CLHC1: variants seen among roughly 807,000 people sequenced by gnomAD.
The protein encoded by CLHC1 is clathrin heavy chain linker domain-containing protein 1.
A neutral mutation model predicts 69.5 loss-of-function variants in CLHC1; 72 were observed. That is an observed-to-expected ratio of 1.04 (90% confidence interval 0.86 to 1.26). The LOEUF is 1.26. Ranked by LOEUF, CLHC1 falls within the 50% of genes most tolerant of loss-of-function variation. The pLI is 0.00. For missense variants in CLHC1, 790 were observed against 679.3 expected (o/e 1.16, Z -1.81); for synonymous variants, 223 against 224.3 (o/e 0.99, Z 0.05).
intron 3 of CLHC1, among the ~76,000 whole-genome samples, chr2:55,221,812 C>T (rs577503385): frequency 1.3e-5 from 2 of 152,110 alleles, no homozygotes; most frequent in East Asian, 3.9e-4. Flanking sequence ...CTTGTCTCTA[C>T]AAAAAATTTT....
intron 2 of CLHC1, chr2:55,225,850 T>G (rs1674640602): frequency 6.6e-6 from 1 of 152,228 alleles, no homozygotes; most frequent in Non-Finnish European, 1.5e-5. Flanking sequence ...CTGCTGTCTT[T>G]GTAAGTACTC....
At chr2:55,200,114 C>G (rs1558478350) in intron 9 of CLHC1, among the ~76,000 whole-genome samples, 1 of 150,448 alleles carries the variant, frequency 6.6e-6, no homozygotes, top group African/African-American at 2.4e-5. Flanking sequence ...ATCCCAGCTA[C>G]TTGACAGGGT....
intron 3 of CLHC1, among the ~76,000 whole-genome samples, chr2:55,221,511 G>C (rs895617997): frequency 6.6e-6 from 1 of 152,128 alleles, no homozygotes; most frequent in Admixed American, 6.6e-5. Flanking sequence ...TCAATTTAAT[G>C]TTAGATCAAA....
intron 4 of CLHC1, among the ~76,000 whole-genome samples, chr2:55,216,291 C>CA (rs552944752): frequency 0.037 from 3,951 of 106,998 alleles, 77 homozygotes; most frequent in South Asian, 0.098. Flanking sequence ...AACTCCGTCT[C>CA]AAAAAAAAAA....
intron 5 of CLHC1, among the ~76,000 whole-genome samples, chr2:55,212,090 A>C (rs1448470213): frequency 1.1e-4 from 16 of 152,122 alleles, no homozygotes; most frequent in Non-Finnish European, 1.5e-5. Context: ...CAGCGTGGAC[A>C]ACATGATGAA....
rs770049202 is a variant in CLHC1 at position 55,180,563 on chromosome 2, C to A, written c.1331G>T (p.Gly444Val). 4 of 1,614,068 alleles carry A rather than the reference C, an allele frequency of 2.5e-6. No individual in the cohort carries two copies. The highest frequency in any genetic ancestry group is 3.4e-6 in the Non-Finnish European group (4 of 1,179,996). The change falls in exon 11 of 13, where the codon GGT becomes GTT. Residue 444 changes from glycine to valine, a missense_variant. Gly to Val is a moderately radical substitution (Grantham distance 109). Coordinates refer to ENST00000401408, the MANE Select transcript of CLHC1 (RefSeq NM_152385.4). ...GTACTCCATGACCCTATGAGTCTGA[C>A]CCTGTTTACACAAGCAAAGAATAGC... ...KKAILCLCKQ[G>V]QTHRVMEYIQ...
chr2:55,222,190 T>C (rs1674191513), intron 3 of CLHC1, 45 bp downstream of exon 3: 1 of 1,354,500 alleles, frequency 7.4e-7, no homozygotes, highest in Admixed American at 1.7e-5. Context: ...CATAGATCAT[T>C]GCTATCCTCA....
chr2:55,197,075 C>T (rs77848134), intron 9 of CLHC1, among the ~76,000 whole-genome samples: 2,321 of 152,226 alleles, frequency 0.015, 60 homozygotes, highest in African/African-American at 0.053. Flanking sequence ...TTCCTGTGGG[C>T]CTGTGGCAGT....
At position 55,175,739 on chromosome 2, in the gene CLHC1, C is replaced by T; in HGVS notation, c.*51G>A. The stretch of plus-strand genomic sequence containing the variant: ...TACGTTAAAATCAGTTTTTCCCAAC[C>T]AGCATACATAAGGTGTTGTACAAGC... On this transcript the variant is annotated 3_prime_UTR_variant, in exon 13 of 13. Coordinates refer to ENST00000401408, the MANE Select transcript of CLHC1 (RefSeq NM_152385.4). 2.3e-6 allele frequency: 3 copies of T among 1,317,804 alleles called. No individual in the cohort carries two copies. Among genetic ancestry groups the T allele is most frequent in the East Asian group, 4.7e-5 (2 of 42,898 alleles). The allele number at this position is 1,317,804 out of a possible 1,614,324, so 81.6% of individuals were successfully genotyped here.
chr2:55,218,249 C>T, intron 3 of CLHC1: 1 of 274,918 alleles, frequency 3.6e-6, no homozygotes. Flanking sequence ...CATTTTTGTT[C>T]TACTTGGTAT....
chr2:55,179,153 A>G (rs962713072), intron 11 of CLHC1, among the ~76,000 whole-genome samples: 26 of 152,132 alleles, frequency 1.7e-4, no homozygotes, highest in African/African-American at 4.8e-4. Context: ...TAATTCTTAC[A>G]TATGGAAAAA....
rs987363528 is a variant in CLHC1 at position 55,174,139 on chromosome 2, A to T, written c.*1651T>A. On this transcript the variant is annotated 3_prime_UTR_variant, in exon 13 of 13. Transcript: ENST00000401408. ...CTTTTCAACAGCCTGTATGAAGGCC[A>T]AAAATCAAAATATTATTTTGATAAG... Among the ~76,000 whole-genome samples, 43 of 152,214 alleles carry T rather than the reference A, an allele frequency of 2.8e-4. No individual in the cohort carries two copies. Among genetic ancestry groups the T allele is most frequent in the African/African-American group, 9.9e-4 (41 of 41,442 alleles).
intron 9 of CLHC1, 114 bp downstream of exon 9, chr2:55,206,156 G>C: frequency 3.2e-6 from 2 of 623,436 alleles, no homozygotes; most frequent in Non-Finnish European, 5.6e-6. Flanking sequence ...GTAAATGGTA[G>C]AGATAGGGCT....
At chr2:55,221,766 C>A (rs568282680) in intron 3 of CLHC1, among the ~76,000 whole-genome samples, 1 of 152,194 alleles carries the variant, frequency 6.6e-6, no homozygotes, top group Admixed American at 6.5e-5. Context: ...TTGCTTGAGG[C>A]CAGGAGTGCA....
chr2:55,206,205 C>T, intron 9 of CLHC1, 65 bp downstream of exon 9: 2 of 935,648 alleles, frequency 2.1e-6, no homozygotes, highest in Admixed American at 2.2e-5. Flanking sequence ...AATGCTTTTT[C>T]TATTTTATGA....
chr2:55,196,837 G>T (rs1330127260), intron 9 of CLHC1, among the ~76,000 whole-genome samples: 1 of 152,188 alleles, frequency 6.6e-6, no homozygotes, highest in Non-Finnish European at 1.5e-5. Flanking sequence ...AAAAGACTTT[G>T]TCTTGCAGCT....
chr2:55,218,203 G>A (rs113491846), intron 3 of CLHC1: 93 of 362,264 alleles, frequency 2.6e-4, no homozygotes, highest in African/African-American at 1.7e-3. Flanking sequence ...CATTACAGTA[G>A]ATAATGTGGA....
At chr2:55,216,856 A>T (rs1673565676) in intron 4 of CLHC1, among the ~76,000 whole-genome samples, 1 of 152,058 alleles carries the variant, frequency 6.6e-6, no homozygotes, top group Admixed American at 6.5e-5. Flanking sequence ...GCTTTCAATT[A>T]TACTAAGAGG....
At position 55,209,676 on chromosome 2, in the gene CLHC1, T is replaced by C; in HGVS notation, c.655A>G (p.Lys219Glu). 6.2e-7 allele frequency: 1 copy of C among 1,614,180 alleles called. No homozygotes were observed. Among genetic ancestry groups the C allele is most frequent in the Non-Finnish European group, 8.5e-7 (1 of 1,180,024 alleles). Residue 219 changes from lysine (K) to glutamate (E), a missense_variant, in exon 6 of 13, where the codon AAA becomes GAA. Physicochemically the swap from Lys to Glu is moderately conservative, Grantham distance 56. Transcript: ENST00000401408. The stretch of plus-strand genomic sequence containing the variant: ...AGATTTTCAGCTACATCTCGCCGTT[T>C]TAATAACACAATCATTTCTTCATCT... ...DLDEEMIVLL[K>E]RRDVAENLNK...
Sources: gnomAD v4.1 joint callset for allele counts (sites outside exome capture counted in the v4.1 genomes callset) on GRCh38, gnomAD v4.1.1 for gene constraint, MANE v1.5 for transcripts, NCBI Gene and HGNC (gene_info 2026-07-23, HGNC 2026-07-21) for gene names.